CALN1: variants seen among roughly 807,000 people sequenced by gnomAD.
The protein encoded by CALN1 is calneuron 1, also known as calcium-binding protein 8.
CALN1 carries 17 observed loss-of-function variants against 30.6 expected under a neutral mutation model. The ratio of observed to expected loss-of-function variants is 0.56; its 90% CI spans 0.38 to 0.83. The LOEUF is 0.83. CALN1 is among the 40% of genes least tolerant of loss of function. The pLI, the probability that CALN1 is intolerant of heterozygous loss-of-function variation, is 0.00. For synonymous variants in CALN1, 156 were observed against 131.4 expected (o/e 1.19, Z -1.28); for missense variants, 291 against 354.9 (o/e 0.82, Z 1.45).
At chr7:72,415,988 T>C (rs1807408613), upstream of CALN1, among the ~76,000 whole-genome samples, 1 of 152,186 alleles carries the variant, frequency 6.6e-6, no homozygotes, top group Non-Finnish European at 1.5e-5. Flanking sequence ...CTTTTAAGGT[T>C]GTGGGTCTGC....
intron 2 of CALN1, among the ~76,000 whole-genome samples, chr7:72,357,220 G>C (rs1008489122): frequency 6.6e-6 from 1 of 151,910 alleles, no homozygotes; most frequent in African/African-American, 2.4e-5. Flanking sequence ...CACAATTCCT[G>C]TGCTTCGGAA....
intron 3 of CALN1, among the ~76,000 whole-genome samples, chr7:72,111,053 T>C (rs554856421): frequency 6.6e-6 from 1 of 152,340 alleles, no homozygotes. Context: ...TTCTTTGGCC[T>C]AAAGTCTCTG....
intron 2 of CALN1, among the ~76,000 whole-genome samples, chr7:72,307,944 A>G (rs2944834): frequency 0.47 from 70,850 of 151,786 alleles, 17,520 homozygotes; most frequent in South Asian, 0.68. Context: ...TGAGTTCACC[A>G]GAAGGACATT....
chr7:72,406,409 T>C (rs1806695296), intron 1 of CALN1, among the ~76,000 whole-genome samples: 1 of 152,180 alleles, frequency 6.6e-6, no homozygotes, highest in African/African-American at 2.4e-5. Flanking sequence ...TGAGCTTCCT[T>C]GTCCCCAAAT....
chr7:72,336,796 G>A (rs1467967486), intron 2 of CALN1: 2 of 984,886 alleles, frequency 2.0e-6, no homozygotes, highest in Non-Finnish European at 1.2e-6. Flanking sequence ...AGGGGGCGGT[G>A]CGGAATGGAT....
chr7:72,096,152 T>A (rs953209340), intron 4 of CALN1, among the ~76,000 whole-genome samples: 1 of 151,584 alleles, frequency 6.6e-6, no homozygotes, highest in African/African-American at 2.4e-5. Flanking sequence ...AGGGCCTGAG[T>A]TGGAGCATCT....
At chr7:72,053,012 C>T (rs1056959491) in intron 4 of CALN1, among the ~76,000 whole-genome samples, 1 of 152,148 alleles carries the variant, frequency 6.6e-6, no homozygotes, top group Admixed American at 6.5e-5. Context: ...GGAGGATCAC[C>T]TGAGGACAGG....
At chr7:72,335,104 T>C (rs959805604) in intron 2 of CALN1, among the ~76,000 whole-genome samples, 1 of 152,092 alleles carries the variant, frequency 6.6e-6, no homozygotes, top group Non-Finnish European at 1.5e-5. Flanking sequence ...CACCTGGACA[T>C]GAGTACAGGT....
At chr7:72,152,149 G>A (rs562164682) in intron 3 of CALN1, among the ~76,000 whole-genome samples, 1 of 151,856 alleles carries the variant, frequency 6.6e-6, no homozygotes, top group African/African-American at 2.4e-5. Flanking sequence ...CAAGTGAGAC[G>A]CCTGCCTTGG....
At chr7:72,045,504 C>T (rs1202365823) in intron 4 of CALN1, among the ~76,000 whole-genome samples, 2 of 152,200 alleles carry the variant, frequency 1.3e-5, no homozygotes, top group Non-Finnish European at 2.9e-5. Flanking sequence ...CCACAGGCAG[C>T]TCCCTCCACA....
chr7:72,100,340 C>G (rs1214222910), intron 4 of CALN1, among the ~76,000 whole-genome samples: 1 of 151,878 alleles, frequency 6.6e-6, no homozygotes, highest in East Asian at 1.9e-4. Flanking sequence ...TACCACTATG[C>G]CCAGCTAATT....
intron 4 of CALN1, among the ~76,000 whole-genome samples, chr7:72,100,903 G>A (rs1431869202): frequency 1.3e-5 from 2 of 151,316 alleles, no homozygotes; most frequent in African/African-American, 4.9e-5. Context: ...CAACCTATGT[G>A]TAAAGAAGTT....
intron 2 of CALN1, among the ~76,000 whole-genome samples, chr7:72,358,833 C>A (rs140676148): frequency 3.2e-4 from 49 of 152,066 alleles, no homozygotes; most frequent in African/African-American, 1.1e-3. Flanking sequence ...CCTATAATGC[C>A]TGTAATCCCA....
intron 3 of CALN1, among the ~76,000 whole-genome samples, chr7:72,277,201 C>G (rs1367169074): frequency 6.6e-6 from 1 of 152,164 alleles, no homozygotes; most frequent in Non-Finnish European, 1.5e-5. Flanking sequence ...GCCTCCCAAA[C>G]TGTGAGAAAT....
chr7:72,315,702 C>A (rs1019164979), intron 2 of CALN1, among the ~76,000 whole-genome samples: 1 of 150,120 alleles, frequency 6.7e-6, no homozygotes, highest in Non-Finnish European at 1.5e-5. Context: ...GAGACCCTGT[C>A]TCTAAAAAAA....
intron 4 of CALN1, among the ~76,000 whole-genome samples, chr7:72,045,557 C>T (rs961520977): frequency 2.0e-5 from 3 of 152,142 alleles, no homozygotes; most frequent in South Asian, 2.1e-4. Flanking sequence ...GAGACAGGGT[C>T]TCTTTCTGTT....
chr7:72,466,324 G>T, the CALN1 span, among the ~76,000 whole-genome samples: 1 of 152,062 alleles, frequency 6.6e-6, no homozygotes, highest in Non-Finnish European at 1.5e-5. Flanking sequence ...GCCTTCCCGG[G>T]TCACTAGCAG....
At chr7:72,501,929 ATATAT>A in the CALN1 span, among the ~76,000 whole-genome samples, 2 of 58,564 alleles carry the variant, frequency 3.4e-5, no homozygotes, top group Non-Finnish European at 6.0e-5. Context: ...AAAAAAAAAA[ATATAT>A]ATATATATAT....
At chr7:72,139,142 A>G (rs1311364777) in intron 3 of CALN1, among the ~76,000 whole-genome samples, 1 of 152,202 alleles carries the variant, frequency 6.6e-6, no homozygotes, top group Non-Finnish European at 1.5e-5. Flanking sequence ...TTCAACAAGC[A>G]GGTTGCTATT....
Sources: allele counts gnomAD v4.1 joint callset (sites outside exome capture counted in the v4.1 genomes callset), GRCh38; gene constraint gnomAD v4.1.1; transcripts MANE v1.5; gene names NCBI Gene and HGNC (gene_info 2026-07-23, HGNC 2026-07-21).